The following CTTNBP2 variants were observed in gnomAD, a reference collection of about 807,000 sequenced individuals.
CTTNBP2 encodes cortactin-binding protein 2.
CTTNBP2 carries 108 observed loss-of-function variants against 156.9 expected under a neutral mutation model. The observed-to-expected ratio is 0.69, with a 90% confidence interval of 0.59 to 0.81. The LOEUF (loss-of-function observed/expected upper bound fraction) is 0.81, where lower values mean the gene tolerates loss of function less well. CTTNBP2 is among the 30% of genes least tolerant of loss of function. The probability of loss-of-function intolerance (pLI) is 0.00; values close to 1 mark genes in which losing one functional copy is unlikely to be tolerated. For missense variants in CTTNBP2, 1,924 were observed against 2,035.4 expected (o/e 0.95, Z 1.05); for synonymous variants, 767 against 751.8 (o/e 1.02, Z -0.33).
intron 22 of CTTNBP2, among the ~76,000 whole-genome samples, chr7:117,717,018 A>T (rs1584879943): frequency 6.6e-6 from 1 of 152,068 alleles, no homozygotes; most frequent in East Asian, 1.9e-4. Flanking sequence ...CTTACAATCA[A>T]TCAACATGGT....
intron 2 of CTTNBP2, among the ~76,000 whole-genome samples, chr7:117,834,414 C>G (rs1227076880): frequency 6.6e-6 from 1 of 152,180 alleles, no homozygotes; most frequent in Non-Finnish European, 1.5e-5. Context: ...TTGGAATTTG[C>G]AATACAATAC....
chr7:117,745,743 C>G (rs28433845), intron 14 of CTTNBP2, 88 bp downstream of exon 14: 7 of 855,980 alleles, frequency 8.2e-6, no homozygotes, highest in Non-Finnish European at 1.3e-5. Flanking sequence ...AAATGTATCC[C>G]CAAGCAACAC....
At chr7:117,868,765 C>T (rs561232329) in intron 1 of CTTNBP2, among the ~76,000 whole-genome samples, 31 of 152,270 alleles carry the variant, frequency 2.0e-4, no homozygotes, top group Middle Eastern at 3.4e-3. Flanking sequence ...AATAAAGTAT[C>T]CTTCTAAAGC....
At chr7:117,712,078 G>A (rs1419446523) in intron 22 of CTTNBP2, among the ~76,000 whole-genome samples, 1 of 152,126 alleles carries the variant, frequency 6.6e-6, no homozygotes, top group East Asian at 1.9e-4. Context: ...ACAGGCATGA[G>A]GAAATCACCA....
chr7:117,850,358 TAAAAC>T (rs1802859879), intron 2 of CTTNBP2, among the ~76,000 whole-genome samples: 1 of 152,284 alleles, frequency 6.6e-6, no homozygotes, highest in African/African-American at 2.4e-5. Context: ...GACCCCTTCT[TAAAAC>T]AAAACAAACA....
intron 3 of CTTNBP2, among the ~76,000 whole-genome samples, chr7:117,800,449 G>A (rs1799549440): frequency 6.6e-6 from 1 of 151,984 alleles, no homozygotes; most frequent in African/African-American, 2.4e-5. Flanking sequence ...CCACATGTAT[G>A]CATTTTCAAA....
At chr7:117,773,707 A>ACACACAC (rs1234464093) in intron 8 of CTTNBP2, among the ~76,000 whole-genome samples, 1 of 128,958 alleles carries the variant, frequency 7.8e-6, no homozygotes, top group African/African-American at 3.4e-5. Flanking sequence ...ACACACACAC[A>ACACACAC]CCCCAAAAAA....
chr7:117,725,231 A>G lies in CTTNBP2; in HGVS notation c.4082T>C (p.Val1361Ala). Residue 1361 changes from valine to alanine, a missense_variant, in exon 18 of 23, where the codon GTC becomes GCC. Val to Ala is a moderately conservative substitution (Grantham distance 64). Transcript: ENST00000160373. ...VKWMSKLWNG[V>A]IAPRVQEAIL... Reference sequence around the variant, plus strand: ...TGCTTCTTGAACTCTGGGTGCGATGACGCCATTCCACAGCTTAGACATCCA... The same window carrying G: ...TGCTTCTTGAACTCTGGGTGCGATGGCGCCATTCCACAGCTTAGACATCCA... 1 of 1,614,120 alleles carries G rather than the reference A, an allele frequency of 6.2e-7. No individual in the cohort carries two copies. Among genetic ancestry groups the G allele is most frequent in the Non-Finnish European group, 8.5e-7 (1 of 1,180,004 alleles).
chr7:117,858,038 A>C (rs1317575360), intron 2 of CTTNBP2, among the ~76,000 whole-genome samples: 1 of 152,250 alleles, frequency 6.6e-6, no homozygotes, highest in African/African-American at 2.4e-5. Flanking sequence ...ATCTAAATAA[A>C]GAAATCACAA....
At chr7:117,811,511 C>T (rs1000867189) in intron 2 of CTTNBP2, among the ~76,000 whole-genome samples, 1 of 152,110 alleles carries the variant, frequency 6.6e-6, no homozygotes, top group African/African-American at 2.4e-5. Context: ...CTTTGTTGTC[C>T]AGGCTGGTCT....
intron 7 of CTTNBP2, among the ~76,000 whole-genome samples, chr7:117,778,068 C>CA (rs1413649830): frequency 6.6e-6 from 1 of 152,084 alleles, no homozygotes; most frequent in African/African-American, 2.4e-5. Context: ...TATGGTAAAT[C>CA]AAAATCTCAA....
At chr7:117,742,864 C>T (rs936829859) in intron 14 of CTTNBP2, among the ~76,000 whole-genome samples, 4 of 152,232 alleles carry the variant, frequency 2.6e-5, no homozygotes, top group African/African-American at 7.2e-5. Flanking sequence ...CAAGACCTGA[C>T]GACACTGGAC....
intron 4 of CTTNBP2, 112 bp downstream of exon 4, chr7:117,791,016 G>A: frequency 1.2e-6 from 1 of 830,928 alleles, no homozygotes; most frequent in South Asian, 1.8e-5. Flanking sequence ...ATGGGGGTGG[G>A]GGGAAGCATC....
chr7:117,783,444 C>T (rs1011676007), intron 5 of CTTNBP2, among the ~76,000 whole-genome samples: 1 of 152,274 alleles, frequency 6.6e-6, no homozygotes, highest in Middle Eastern at 3.4e-3. Context: ...CTACACTTAA[C>T]TCCATGAATG....
chr7:117,868,338 C>G (rs1257723284), intron 1 of CTTNBP2, among the ~76,000 whole-genome samples: 3 of 152,176 alleles, frequency 2.0e-5, no homozygotes, highest in African/African-American at 7.2e-5. Flanking sequence ...CTTGTCTTTT[C>G]AATGAAATAT....
In CTTNBP2 at chr7:117,873,408, G is replaced by A. The variant is rs1733978174; in HGVS notation, c.8C>T (p.Thr3Met). 3.3e-6 allele frequency: 5 copies of A among 1,496,230 alleles called. No homozygotes were observed. Among genetic ancestry groups the A allele is most frequent in the South Asian group, 2.6e-5 (2 of 78,174 alleles). The allele number at this position is 1,496,230 out of a possible 1,614,324, so 92.7% of individuals were successfully genotyped here. Residue 3 changes from threonine (T) to methionine (M), a missense_variant, in exon 1 of 23, where the codon ACG (threonine) becomes ATG (methionine). Physicochemically the swap from Thr to Met is moderately conservative, Grantham distance 81. Transcript: ENST00000160373. MA[T>M]DGASCEPDLS... ...GTCGGGCTCGCAGCTCGCGCCGTCC[G>A]TCGCCATCTTCCTGCTCTAGCGGAT...
intron 2 of CTTNBP2, among the ~76,000 whole-genome samples, chr7:117,820,971 T>C (rs538428678): frequency 6.6e-6 from 1 of 152,168 alleles, no homozygotes; most frequent in Non-Finnish European, 1.5e-5. Context: ...TATATTTTGT[T>C]AGGTTTATTC....
rs757865777 is a variant in CTTNBP2, at chr7:117,792,082, C to T, written c.1114G>A (p.Ala372Thr). ...YGDLIGASVP[A>T]FPPPSANKIE... ...TTGTTTGCACTTGGAGGTGGGAAAG[C>T]GGGTACAGAAGCGCCAATCAAGTCA... The change falls in exon 4 of 23, where the codon GCT (alanine) becomes ACT (threonine). Residue 372 changes from alanine (A) to threonine (T), a missense_variant. Physicochemically the swap from Ala to Thr is moderately conservative, Grantham distance 58. Coordinates refer to ENST00000160373, the MANE Select transcript of CTTNBP2 (RefSeq NM_033427.3). The surrounding 1 kb of genome is among the most constrained non-coding windows in gnomAD (Gnocchi z 4.2). 25 of 1,613,918 alleles carry T rather than the reference C, an allele frequency of 1.5e-5. No homozygotes were observed. Among genetic ancestry groups the T allele is most frequent in the African/African-American group, 4.0e-5 (3 of 74,866 alleles).
intron 12 of CTTNBP2, among the ~76,000 whole-genome samples, chr7:117,753,815 G>C (rs1416749272): frequency 6.6e-6 from 1 of 152,146 alleles, no homozygotes; most frequent in African/African-American, 2.4e-5. Flanking sequence ...TGGATGCTGG[G>C]CTTAATATCT....
Sources: gnomAD v4.1 joint callset for allele counts (sites outside exome capture counted in the v4.1 genomes callset) on GRCh38, gnomAD v4.1.1 for gene constraint, Gnocchi (gnomAD v3.1) non-coding constraint, MANE v1.5 for transcripts, NCBI Gene and HGNC (gene_info 2026-07-23, HGNC 2026-07-21) for gene names.